RSRC1: variants seen among roughly 807,000 people sequenced by gnomAD.
The protein encoded by RSRC1 is serine/Arginine-related protein 53.
A neutral mutation model predicts 49.1 loss-of-function variants in RSRC1; 39 were observed. The ratio of observed to expected loss-of-function variants is 0.79; its 90% CI spans 0.61 to 1.04. The LOEUF (loss-of-function observed/expected upper bound fraction) is 1.04. Among genes scored for constraint, RSRC1 ranks in the 50% least tolerant of loss-of-function variants. RSRC1 has a pLI of 0.00. For synonymous variants in RSRC1, 143 were observed against 130.8 expected (o/e 1.09, Z -0.63); for missense variants, 388 against 402.4 (o/e 0.96, Z 0.31).
intron 3 of RSRC1, among the ~76,000 whole-genome samples, chr3:158,161,210 C>T (rs920451200): frequency 3.9e-5 from 6 of 152,116 alleles, no homozygotes; most frequent in African/African-American, 9.7e-5. Context: ...TGTGAGTCAG[C>T]TGGGCCTCTT....
At chr3:158,518,149 T>C (rs1740697211) in intron 7 of RSRC1, among the ~76,000 whole-genome samples, 1 of 74,406 alleles carries the variant, frequency 1.3e-5, no homozygotes, top group African/African-American at 6.9e-5. Context: ...TATATATATA[T>C]TTTTTTTTTT....
intron 1 of RSRC1, among the ~76,000 whole-genome samples, chr3:158,116,965 C>T (rs1007060912): frequency 7.2e-5 from 11 of 151,770 alleles, no homozygotes; most frequent in African/African-American, 2.4e-4. Flanking sequence ...AGCACACTGT[C>T]GAGTAACTTC....
intron 6 of RSRC1, among the ~76,000 whole-genome samples, chr3:158,405,813 C>G (rs528655691): frequency 6.9e-4 from 105 of 152,108 alleles, no homozygotes; most frequent in Non-Finnish European, 1.2e-3. Flanking sequence ...TTTGCTAGAT[C>G]GAGTAGCTAA....
intron 5 of RSRC1, among the ~76,000 whole-genome samples, chr3:158,328,059 G>A (rs550666028): frequency 9.9e-5 from 15 of 152,174 alleles, no homozygotes; most frequent in African/African-American, 1.4e-4. Context: ...TGCAACCCCT[G>A]CCTTTTTTTG....
chr3:158,205,074 G>A (rs1721272856), intron 4 of RSRC1, among the ~76,000 whole-genome samples: 1 of 152,146 alleles, frequency 6.6e-6, no homozygotes, highest in African/African-American at 2.4e-5. Context: ...CAAGATAATA[G>A]TGTTGTATTT....
At chr3:158,342,843 G>A (rs1398325423) in intron 5 of RSRC1, among the ~76,000 whole-genome samples, 1 of 152,054 alleles carries the variant, frequency 6.6e-6, no homozygotes, top group African/African-American at 2.4e-5. Flanking sequence ...CTGAGAGATG[G>A]GGAAAAAAAT....
chr3:158,434,272 G>A (rs1735927758), intron 6 of RSRC1, among the ~76,000 whole-genome samples: 1 of 151,718 alleles, frequency 6.6e-6, no homozygotes, highest in Admixed American at 6.6e-5. Context: ...TATACATTAG[G>A]TGATGCTTTT....
At position 158,470,847 on chromosome 3, in the gene RSRC1, C is replaced by T. The variant is rs529688525; in HGVS notation, c.652+9844C>T. Among the ~76,000 whole-genome samples, 239 of 152,156 alleles carry T rather than the reference C, an allele frequency of 1.6e-3. 3 individuals are homozygous for T. The highest frequency in any genetic ancestry group is 3.1e-3 in the Non-Finnish European group (214 of 67,988). On this transcript the variant is annotated intron_variant, in intron 7 of 9. Coordinates refer to ENST00000611884, the MANE Select transcript of RSRC1 (RefSeq NM_001271838.2). ...AAAAAAAAATTATTCTCTGTCATTC[C>T]CTATTAGACTGGGTACAGTGCATTA...
At chr3:158,353,410 A>G (rs572821267) in intron 5 of RSRC1, among the ~76,000 whole-genome samples, 1 of 152,220 alleles carries the variant, frequency 6.6e-6, no homozygotes, top group African/African-American at 2.4e-5. Context: ...TCCTGCTACA[A>G]ATAATGAACT....
At chr3:158,419,741 T>TC (rs1016480567) in intron 6 of RSRC1, among the ~76,000 whole-genome samples, 5 of 150,854 alleles carry the variant, frequency 3.3e-5, no homozygotes, top group African/African-American at 1.2e-4. Context: ...GTAGTACCTG[T>TC]CCCCTCACAG....
rs1242646410 is a variant in RSRC1 at position 158,123,960 on chromosome 3, C to G, written c.289C>G (p.Gln97Glu). 1 of 1,609,464 alleles carries G rather than the reference C, an allele frequency of 6.2e-7. No individual in the cohort carries two copies. Among genetic ancestry groups the G allele is most frequent in the Non-Finnish European group, 8.5e-7 (1 of 1,177,482 alleles). Reference sequence around the variant, plus strand: ...GGGTCGAGGGAAATCCTATAGAGTTCAGAGGTCTAGGTCAAAAAGCAGAAC... The same window carrying G: ...GGGTCGAGGGAAATCCTATAGAGTTGAGAGGTCTAGGTCAAAAAGCAGAAC... The part of the protein sequence containing the change: ...SRGRGKSYRV[Q>E]RSRSKSRTRR... The change falls in exon 3 of 10, where the codon CAG (glutamine) becomes GAG (glutamate). Residue 97 changes from glutamine (Q) to glutamate (E), a missense_variant. Transcript: ENST00000611884.
chr3:158,413,282 C>A (rs1223584562), intron 6 of RSRC1, among the ~76,000 whole-genome samples: 2 of 152,214 alleles, frequency 1.3e-5, no homozygotes, highest in Admixed American at 1.3e-4. Context: ...AACTGGCTAG[C>A]CATGTGCAGA....
chr3:158,163,247 C>CCTGCCTCCT lies in RSRC1; in HGVS notation c.320+39265_320+39273dup, dbSNP rs557466061. Among the ~76,000 whole-genome samples the CCTGCCTCCT allele has an allele frequency of 4.4e-3, 664 of 152,314 alleles. 4 individuals are homozygous for CCTGCCTCCT. Among genetic ancestry groups the CCTGCCTCCT allele is most frequent in the Non-Finnish European group, 5.3e-3 (358 of 68,030 alleles). On this transcript the variant is annotated intron_variant, in intron 3 of 9. Coordinates refer to ENST00000611884, the MANE Select transcript of RSRC1 (RefSeq NM_001271838.2). The stretch of plus-strand genomic sequence containing the variant: ...CAAACTCCTGGCTTCAAGTGATCCT[C>CCTGCCTCCT]CTGCCTCCTCTGCCTCCCAAAATGC...
intron 1 of RSRC1, among the ~76,000 whole-genome samples, chr3:158,113,609 C>A (rs777663579): frequency 4.6e-5 from 7 of 152,030 alleles, no homozygotes; most frequent in Non-Finnish European, 1.0e-4. Context: ...CCTCGTGATC[C>A]ACCCCCCTCA....
At chr3:158,425,174 G>T (rs1161496818) in intron 6 of RSRC1, among the ~76,000 whole-genome samples, 1 of 151,644 alleles carries the variant, frequency 6.6e-6, no homozygotes, top group African/African-American at 2.4e-5. Flanking sequence ...GTGATGTTAG[G>T]GTGTCAATTT....
intron 6 of RSRC1, among the ~76,000 whole-genome samples, chr3:158,433,684 T>C (rs1735896196): frequency 6.6e-6 from 1 of 151,946 alleles, no homozygotes; most frequent in Non-Finnish European, 1.5e-5. Context: ...GATTGAATAA[T>C]AATGGTTTGA....
chr3:158,141,539 G>A (rs1321245559), intron 3 of RSRC1, among the ~76,000 whole-genome samples: 1 of 152,158 alleles, frequency 6.6e-6, no homozygotes, highest in Non-Finnish European at 1.5e-5. Flanking sequence ...ATATCTATGA[G>A]CTAAGGTAGG....
chr3:158,393,837 C>T (rs1346795374), intron 6 of RSRC1, among the ~76,000 whole-genome samples: 1 of 151,884 alleles, frequency 6.6e-6, no homozygotes, highest in Non-Finnish European at 1.5e-5. Context: ...GCAAAACCTG[C>T]TAGAGACACA....
chr3:158,459,214 T>TA (rs979109104), intron 6 of RSRC1, among the ~76,000 whole-genome samples: 6 of 152,062 alleles, frequency 3.9e-5, no homozygotes, highest in Middle Eastern at 3.4e-3. Flanking sequence ...ATTTGCAGTT[T>TA]AAAAAAAACA....
Sources: allele counts gnomAD v4.1 joint callset (sites outside exome capture counted in the v4.1 genomes callset), GRCh38; gene constraint gnomAD v4.1.1; transcripts MANE v1.5; gene names NCBI Gene and HGNC (gene_info 2026-07-23, HGNC 2026-07-21).